Variants in KIF13A observed in about 807,000 individuals in gnomAD.
KIF13A encodes kinesin family member 13A.
Under a neutral mutation model 212.2 loss-of-function variants are expected in KIF13A, and 79 were observed. That is an observed-to-expected ratio of 0.37 (90% confidence interval 0.31 to 0.45). The LOEUF (loss-of-function observed/expected upper bound fraction) is 0.45. Among genes scored for constraint, KIF13A ranks in the 20% least tolerant of loss-of-function variants. The pLI is 1.00. For synonymous variants in KIF13A, 789 were observed against 808.6 expected, an observed-to-expected ratio of 0.98 and a Z score of 0.41; for missense variants, 1,901 against 2,209.0, an observed-to-expected ratio of 0.86 and a Z score of 2.79.
intron 38 of KIF13A, chr6:17,770,770 G>A (rs985239975): frequency 5.0e-6 from 5 of 991,822 alleles, no homozygotes; most frequent in Admixed American, 1.1e-4. Context: ...CTTCCTCTAG[G>A]TAGATTAACT....
At position 17,833,954 on chromosome 6, in the gene KIF13A, A is replaced by T; in HGVS notation, c.1266+7T>A. The T allele has an allele frequency of 6.8e-7, 1 of 1,461,954 alleles. No individual in the cohort carries two copies. 90.6% of individuals were successfully genotyped at this position (1,461,954 alleles called of 1,614,324 possible). ...CCCAATATTTTAGGGCTAAATTATC[A>T]AGCTACCTGTGCTATCTCTTCTGTT... On this transcript the variant is annotated splice_region_variant and intron_variant, in intron 12 of 38. Coordinates refer to ENST00000259711, the MANE Select transcript of KIF13A (RefSeq NM_022113.6).
intron 31 of KIF13A, 49 bp downstream of exon 31, chr6:17,780,681 A>G: frequency 1.3e-6 from 2 of 1,564,212 alleles, no homozygotes; most frequent in Non-Finnish European, 1.8e-6. Context: ...GAGAGGGAAA[A>G]ATCTTTTGAG....
In KIF13A at chr6:17,951,540, G is replaced by A; in HGVS notation, c.146+35514C>T. The A allele has an allele frequency of 2.3e-6, 1 of 428,546 alleles. No homozygotes were observed. The highest frequency in any genetic ancestry group is 5.9e-5 in the South Asian group (1 of 17,016). The allele number at this position is 428,546 out of a possible 1,614,324, so 26.5% of individuals were successfully genotyped here. A position where few individuals can be genotyped will look rare whatever the true frequency, so the allele number is the denominator to read the frequency against. ...ATTTTTAGCATATTCACAGAGTTAT[G>A]TGGCTATCACCACAACTGCAGAACA... On this transcript the variant is annotated intron_variant, in intron 2 of 38. Transcript: ENST00000259711. This position sits in a 1 kb window ranked among gnomAD's most constrained non-coding sequence, Gnocchi z 4.9.
intron 2 of KIF13A, among the ~76,000 whole-genome samples, chr6:17,905,643 T>C (rs1773429511): frequency 6.6e-6 from 1 of 152,184 alleles, no homozygotes; most frequent in South Asian, 2.1e-4. Flanking sequence ...GGGAATTTTG[T>C]TGGAGGAGAA....
At chr6:17,932,317 C>T (rs1169089407) in intron 2 of KIF13A, among the ~76,000 whole-genome samples, 2 of 152,142 alleles carry the variant, frequency 1.3e-5, no homozygotes, top group African/African-American at 4.8e-5. Context: ...CCTTGTACAT[C>T]GGTGAACAAC....
chr6:17,954,650 AT>A (rs962617548), intron 2 of KIF13A, among the ~76,000 whole-genome samples: 1 of 152,084 alleles, frequency 6.6e-6, no homozygotes, highest in African/African-American at 2.4e-5. Context: ...TATTACATGC[AT>A]TTTTACAAGG....
chr6:17,835,117 C>T (rs12529786), intron 11 of KIF13A, among the ~76,000 whole-genome samples: 67,208 of 145,960 alleles, frequency 0.46, 15,725 homozygotes, highest in South Asian at 0.55. Flanking sequence ...ACCCAGGAGA[C>T]AGAGGTTGCA....
chr6:17,894,073 C>T (rs1393606261), intron 3 of KIF13A, among the ~76,000 whole-genome samples: 9 of 151,380 alleles, frequency 5.9e-5, no homozygotes, highest in Non-Finnish European at 1.0e-4. Flanking sequence ...CTCCTGACCT[C>T]GTGATCCTCC....
intron 38 of KIF13A, chr6:17,770,827 T>G: frequency 1.2e-6 from 1 of 820,756 alleles, no homozygotes; most frequent in Non-Finnish European, 1.6e-6. Context: ...GATTTTGGTA[T>G]TAAAAAGATC....
chr6:17,975,526 A>G (rs1780313933), intron 2 of KIF13A, among the ~76,000 whole-genome samples: 1 of 152,148 alleles, frequency 6.6e-6, no homozygotes, highest in Admixed American at 6.5e-5. Flanking sequence ...GCAGCAACAT[A>G]ATTCATTGCA....
At position 17,975,936 on chromosome 6, in the gene KIF13A, C is replaced by G. The variant is rs994578087; in HGVS notation, c.146+11118G>C. 2.7e-5 allele frequency among the ~76,000 whole-genome samples: 4 copies of G among 150,306 alleles called. No individual in the cohort carries two copies. The East Asian group carries it at 7.8e-4, about 29-fold the overall frequency. ...CCTTGAGCTAGACATAAAGGTTCTCCAAGGCCCCACCAGAGTAGCTAGATA... is the reference window on the plus strand; with the variant it reads ...CCTTGAGCTAGACATAAAGGTTCTCGAAGGCCCCACCAGAGTAGCTAGATA... On this transcript the variant is annotated intron_variant, in intron 2 of 38. Transcript: ENST00000259711.
At chr6:17,761,469 C>T (rs1758582609), downstream of KIF13A, among the ~76,000 whole-genome samples, 1 of 151,996 alleles carries the variant, frequency 6.6e-6, no homozygotes, top group South Asian at 2.1e-4. Context: ...CTGCAACTTT[C>T]ACCTCCCGGG....
chr6:17,876,740 T>C (rs1228632580), intron 3 of KIF13A, among the ~76,000 whole-genome samples: 2 of 152,172 alleles, frequency 1.3e-5, no homozygotes, highest in Non-Finnish European at 2.9e-5. Flanking sequence ...GCTCAATTGA[T>C]CCTACCTCCT....
At chr6:17,806,021 G>A (rs1762916137) in intron 18 of KIF13A, among the ~76,000 whole-genome samples, 1 of 151,452 alleles carries the variant, frequency 6.6e-6, no homozygotes, top group African/African-American at 2.4e-5. Flanking sequence ...CTGGGCTCCA[G>A]GAATCCTCCC....
rs1561757839 is a variant in KIF13A at position 17,915,959 on chromosome 6, ATAAAAT to A, written c.147-17785_147-17780del. On this transcript the variant is annotated intron_variant, in intron 2 of 38. Transcript: ENST00000259711. The surrounding 1 kb of genome is among the most constrained non-coding windows in gnomAD (Gnocchi z 4.4). ...CTCAAAAAAAAAAATAAAAATAAAA[ATAAAAT>A]AAAATAAAATAAATTACAGTTCAAA... 4.0e-4 allele frequency among the ~76,000 whole-genome samples: 50 copies of A among 124,434 alleles called. No homozygotes were observed. The highest frequency in any genetic ancestry group is 1.9e-3 in the South Asian group (7 of 3,600). The allele number at this position is 124,434 out of a possible 152,430, so 81.6% of individuals were successfully genotyped here.
intron 4 of KIF13A, among the ~76,000 whole-genome samples, chr6:17,858,135 G>C (rs1279885175): frequency 3.4e-5 from 5 of 146,162 alleles, no homozygotes; most frequent in Admixed American, 3.4e-4. Flanking sequence ...GTGTGTGTGT[G>C]TGTGTGAGAG....
At position 17,779,642 on chromosome 6, in the gene KIF13A, T is replaced by C; in HGVS notation, c.3889A>G (p.Ile1297Val). The change falls in exon 32 of 39, where the codon ATA becomes GTA. Residue 1297 changes from isoleucine (I) to valine (V), a missense_variant. Physicochemically the swap from Ile to Val is conservative, Grantham distance 29 (BLOSUM62 3). Around this residue, in one of 5 missense-constraint regions of KIF13A, gnomAD observed 687 missense variants for 759.1 expected, o/e 0.90. Transcript: ENST00000259711. ...SLKRRISLKN[I>V]FYSCGVTYEI... ...TAGGTTACACCACAGGAATAAAATA[T>C]ATTTTTCAGGGATATTCTCCTCTTC... 5.2e-6 allele frequency: 8 copies of C among 1,525,258 alleles called. No individual in the cohort carries two copies. Among genetic ancestry groups the C allele is most frequent in the Non-Finnish European group, 7.2e-6 (8 of 1,105,894 alleles). 94.5% of individuals were successfully genotyped at this position (1,525,258 alleles called of 1,614,324 possible). A position where few individuals can be genotyped will look rare whatever the true frequency, so the allele number is the denominator to read the frequency against.
intron 18 of KIF13A, among the ~76,000 whole-genome samples, chr6:17,807,736 TA>T (rs1237713761): frequency 6.9e-6 from 1 of 145,404 alleles, no homozygotes; most frequent in East Asian, 1.9e-4. Context: ...AAACCCTCAA[TA>T]AAAACTTGCT....
In KIF13A at chr6:17,969,367, G is replaced by A. The variant is rs566914434; in HGVS notation, c.146+17687C>T. On this transcript the variant is annotated intron_variant, in intron 2 of 38. Coordinates refer to ENST00000259711, the MANE Select transcript of KIF13A (RefSeq NM_022113.6). ...CTGGCCCTTTGCCATCTTAGACATA[G>A]TATATACTCACTAAATGTTTGTTGT... Among the ~76,000 whole-genome samples the A allele has an allele frequency of 7.2e-5, 11 of 152,270 alleles. No homozygotes were observed. The East Asian group carries it at 2.1e-3, about 29-fold the overall frequency.
Sources: gnomAD v4.1 joint callset for allele counts (sites outside exome capture counted in the v4.1 genomes callset) on GRCh38, gnomAD v4.1.1 for gene constraint, gnomAD v4.1.1 regional missense constraint, Gnocchi (gnomAD v3.1) non-coding constraint, MANE v1.5 for transcripts, NCBI Gene and HGNC (gene_info 2026-07-23, HGNC 2026-07-21) for gene names.